Variants in DDX1 observed in about 807,000 individuals in gnomAD.
The protein encoded by DDX1 is ATP-dependent RNA helicase DDX1.
DDX1 carries 28 observed loss-of-function variants against 108.7 expected under a neutral mutation model. The observed-to-expected ratio is 0.26, with a 90% CI of 0.19 to 0.35. The LOEUF (loss-of-function observed/expected upper bound fraction) is 0.35. Ranked by LOEUF, DDX1 falls within the 10% of genes least tolerant of loss-of-function variation. The probability of loss-of-function intolerance (pLI) is 1.00; values close to 1 mark genes in which losing one functional copy is unlikely to be tolerated. For missense variants in DDX1, 710 were observed against 884.5 expected (o/e 0.80, Z 2.50); for synonymous variants, 295 against 288.9 (o/e 1.02, Z -0.21).
Position 15,598,301 on chromosome 2 carries a change from A to G in DDX1, c.259+830A>G, listed in dbSNP as rs951575687. 7.9e-5 allele frequency among the ~76,000 whole-genome samples: 12 copies of G among 152,306 alleles called. 1 individual carries two copies. The highest frequency in any genetic ancestry group is 7.8e-4 in the Admixed American group (12 of 15,310). Reference sequence around the variant, plus strand: ...GTGAACTCATGTAAATTAGAGATAGATAATTGATGTAACTATTTACACTAT... The same window carrying G: ...GTGAACTCATGTAAATTAGAGATAGGTAATTGATGTAACTATTTACACTAT... On this transcript the variant is annotated intron_variant, in intron 5 of 25. Coordinates refer to ENST00000233084, the MANE Select transcript of DDX1 (RefSeq NM_004939.3).
At chr2:15,617,636 G>T (rs1383878575) in intron 15 of DDX1, among the ~76,000 whole-genome samples, 1 of 152,084 alleles carries the variant, frequency 6.6e-6, no homozygotes, top group Non-Finnish European at 1.5e-5. Context: ...CTACTTCATG[G>T]TATATTTAAT....
intron 13 of DDX1, among the ~76,000 whole-genome samples, chr2:15,611,395 C>T (rs1439997257): frequency 1.5e-4 from 23 of 151,042 alleles, no homozygotes; most frequent in Non-Finnish European, 2.1e-4. Context: ...CAATGAGCTG[C>T]CGGGCACACC....
At chr2:15,625,301 C>T (rs6734471) in intron 19 of DDX1, among the ~76,000 whole-genome samples, 36,371 of 152,056 alleles carry the variant, frequency 0.24, 5,342 homozygotes, top group African/African-American at 0.42. Context: ...GTAGTCCCCA[C>T]AAGGGTGGCA....
At chr2:15,595,584 G>T (rs745816427) in intron 3 of DDX1, 31 bp downstream of exon 3, 119 of 1,448,756 alleles carry the variant, frequency 8.2e-5, no homozygotes, top group Non-Finnish European at 1.1e-4. Flanking sequence ...GTGATTGGTA[G>T]CTGGGGACAC....
Position 15,607,245 on chromosome 2 carries a change from G to C in DDX1, c.888G>C (p.Arg296=). The part of the protein sequence containing the change: ...APKALIVEPS[R]ELAEQTLNNI... The stretch of plus-strand genomic sequence containing the variant: ...AAGCTCTCATTGTTGAACCTTCCCG[G>C]GAGTTAGCTGAACAAACTTTGAACA... The change falls in exon 13 of 26, where the codon CGG becomes CGC. Residue 296 remains arginine (R), a synonymous_variant. Coordinates refer to ENST00000233084, the MANE Select transcript of DDX1 (RefSeq NM_004939.3). The C allele has an allele frequency of 6.2e-7, 1 of 1,613,540 alleles. No individual in the cohort carries two copies.
At position 15,612,120 on chromosome 2, in the gene DDX1, G is replaced by A. The variant is rs1368394012; in HGVS notation, c.957-1104G>A. Among the ~76,000 whole-genome samples, 49 of 145,802 alleles carry A rather than the reference G, an allele frequency of 3.4e-4. 1 individual carries two copies. Among genetic ancestry groups the A allele is most frequent in the African/African-American group, 9.4e-4 (37 of 39,268 alleles). ...CCCCCACCTCCCTCCCGGACGGGGC[G>A]GCTGGCCGGGCGGGGGGCTGACCCC... On this transcript the variant is annotated intron_variant, in intron 13 of 25. Transcript: ENST00000233084.
chr2:15,612,952 C>T (rs1458236659), intron 13 of DDX1, among the ~76,000 whole-genome samples: 1 of 150,190 alleles, frequency 6.7e-6, no homozygotes, highest in Non-Finnish European at 1.5e-5. Flanking sequence ...GCCGAGATGG[C>T]AGCAGTACAG....
intron 1 of DDX1, among the ~76,000 whole-genome samples, chr2:15,593,446 G>A (rs1045378352): frequency 4.6e-5 from 7 of 152,140 alleles, no homozygotes; most frequent in Admixed American, 4.6e-4. Flanking sequence ...GGAATTTCAC[G>A]AATGTTTCTA....
At chr2:15,617,547 A>T (rs1490473237) in intron 15 of DDX1, among the ~76,000 whole-genome samples, 1 of 152,144 alleles carries the variant, frequency 6.6e-6, no homozygotes, top group Non-Finnish European at 1.5e-5. Context: ...TCTGGGAAAA[A>T]TTTTAAAAAT....
At chr2:15,612,887 A>G (rs1398362067) in intron 13 of DDX1, among the ~76,000 whole-genome samples, 1 of 151,348 alleles carries the variant, frequency 6.6e-6, no homozygotes, top group Non-Finnish European at 1.5e-5. Context: ...CGTGCCTGCA[A>G]TCGCAGGCAC....
Position 15,603,225 on chromosome 2 carries a change from A to C in DDX1, c.425A>C (p.Gln142Pro). The change falls in exon 8 of 26, where the codon CAA (glutamine) becomes CCA (proline). Residue 142 changes from glutamine (Q) to proline (P), a missense_variant. By Grantham distance (76) the Gln-to-Pro change is moderately conservative (BLOSUM62 -1). Transcript: ENST00000233084. Reference sequence around the variant, plus strand: ...TACTATGAAGTATCCTGTCATGACCAAGGGTTATGCAGGGTCGGGTGGTCT... The same window carrying C: ...TACTATGAAGTATCCTGTCATGACCCAGGGTTATGCAGGGTCGGGTGGTCT... Reference protein sequence around the residue: ...KHYYEVSCHDQGLCRVGWSTM... With the variant: ...KHYYEVSCHDPGLCRVGWSTM... 6.2e-7 allele frequency: 1 copy of C among 1,613,658 alleles called. No homozygotes were observed.
chr2:15,611,588 C>T (rs1222365215), intron 13 of DDX1, among the ~76,000 whole-genome samples: 9 of 118,624 alleles, frequency 7.6e-5, no homozygotes, highest in South Asian at 3.0e-4. Context: ...CCCTCCCGGA[C>T]GGGGCGGCTG....
chr2:15,609,716 T>C (rs1374868543), intron 13 of DDX1, among the ~76,000 whole-genome samples: 2 of 151,414 alleles, frequency 1.3e-5, no homozygotes, highest in African/African-American at 4.9e-5. Flanking sequence ...ATATATCTGA[T>C]TATAAATGTG....
rs575508622 is a variant in DDX1 at position 15,606,232 on chromosome 2, C to A, written c.785C>A (p.Pro262Gln). The change falls in exon 12 of 26, where the codon CCG (proline) becomes CAG (glutamine). Residue 262 changes from proline (P) to glutamine (Q), a missense_variant. Around this residue, in one of 3 missense-constraint regions of DDX1, gnomAD observed 661 missense variants for 810.2 expected, o/e 0.82. Transcript: ENST00000233084. ...GGCTTTGTTGCTCTTTCCAAGGCAC[C>A]GGATGGTTACATTGTCAAATCACAG... ...KDGFVALSKA[P>Q]DGYIVKSQHS... 8.7e-6 allele frequency: 14 copies of A among 1,613,784 alleles called. No individual in the cohort carries two copies. The African/African-American group carries it at 1.9e-4, about 22-fold the overall frequency.
intron 18 of DDX1, 125 bp from the exon 19 acceptor site, chr2:15,623,311 T>C: frequency 1.2e-6 from 1 of 816,104 alleles, no homozygotes; most frequent in Non-Finnish European, 1.9e-6. Context: ...TATATAATAC[T>C]TTTATTAAAA....
intron 25 of DDX1, 82 bp downstream of exon 25, chr2:15,630,192 A>C: frequency 7.3e-7 from 1 of 1,363,360 alleles, no homozygotes; most frequent in Non-Finnish European, 1.0e-6. Flanking sequence ...CAGTACTTTC[A>C]TTTCATTAGG....
chr2:15,597,577 T>G (rs1665522557), intron 5 of DDX1, 106 bp downstream of exon 5: 1 of 709,680 alleles, frequency 1.4e-6, no homozygotes, highest in African/African-American at 1.8e-5. Context: ...CTTGTCAGTA[T>G]CTGGGGGGTG....
chr2:15,597,603 A>G (rs535873174), intron 5 of DDX1, 132 bp downstream of exon 5: 45 of 624,904 alleles, frequency 7.2e-5, no homozygotes, highest in Non-Finnish European at 1.1e-4. Context: ...GGGATCTGGA[A>G]CCCTGGAAAC....
chr2:15,614,073 G>T (rs1470210488), intron 14 of DDX1, among the ~76,000 whole-genome samples: 1 of 152,064 alleles, frequency 6.6e-6, no homozygotes, highest in African/African-American at 2.4e-5. Context: ...CACCCGCCCT[G>T]GCCTCCCAAA....
Sources: allele counts gnomAD v4.1 joint callset (sites outside exome capture counted in the v4.1 genomes callset), GRCh38; gene constraint gnomAD v4.1.1; regional missense constraint gnomAD v4.1.1; transcripts MANE v1.5; gene names NCBI Gene and HGNC (gene_info 2026-07-23, HGNC 2026-07-21).